The following SV2C variants were observed in gnomAD, a reference collection of about 807,000 sequenced individuals.
SV2C encodes solute carrier family 22 member B3.
SV2C carries 49 observed loss-of-function variants against 79.7 expected under a neutral mutation model. The observed-to-expected ratio is 0.61, with a 90% confidence interval of 0.49 to 0.78. The LOEUF (loss-of-function observed/expected upper bound fraction) is 0.78. SV2C is among the 30% of genes least tolerant of loss of function. The pLI is 0.00. For missense variants in SV2C, 833 were observed against 912.9 expected (o/e 0.91, Z 1.13); for synonymous variants, 334 against 333.2 (o/e 1.00, Z -0.03).
At position 76,194,831 on chromosome 5, in the gene SV2C, A is replaced by C. The variant is rs757221880; in HGVS notation, c.581-88A>C. On this transcript the variant is annotated intron_variant, in intron 2 of 12. Transcript: ENST00000502798. ...AAATTTTCCTCATGCAAAATGCTGG[A>C]ATGTATTTTGTTCCTTGTTCACTTG... 1.0e-5 allele frequency: 15 copies of C among 1,457,388 alleles called. No individual in the cohort carries two copies. The Admixed American group carries it at 1.0e-4, about 10-fold the overall frequency. 90.3% of individuals were successfully genotyped at this position (1,457,388 alleles called of 1,614,324 possible).
chr5:76,119,014 T>C (rs142994972), intron 1 of SV2C, among the ~76,000 whole-genome samples: 79 of 152,252 alleles, frequency 5.2e-4, no homozygotes, highest in African/African-American at 1.8e-3. Flanking sequence ...ACATCAAAAC[T>C]ATGTGCTCCT....
chr5:75,990,438 G>A, the SV2C span, among the ~76,000 whole-genome samples: 1 of 151,942 alleles, frequency 6.6e-6, no homozygotes, highest in Non-Finnish European at 1.5e-5. Context: ...CATGTGCACT[G>A]CGTGAGTTAA....
At chr5:76,007,225 G>A in the SV2C span, among the ~76,000 whole-genome samples, 1 of 151,494 alleles carries the variant, frequency 6.6e-6, no homozygotes, top group Non-Finnish European at 1.5e-5. Context: ...TTCATTATTT[G>A]TGTATGCCTC....
the SV2C span, among the ~76,000 whole-genome samples, chr5:76,057,076 T>C: frequency 6.6e-6 from 1 of 152,128 alleles, no homozygotes; most frequent in East Asian, 1.9e-4. Flanking sequence ...GTTCTTTTAA[T>C]TGTGATATTA....
chr5:76,209,587 C>T, intron 3 of SV2C, 149 bp from the exon 4 acceptor site: 2 of 805,016 alleles, frequency 2.5e-6, no homozygotes, highest in Non-Finnish European at 3.6e-6. Flanking sequence ...ATAATTTTTA[C>T]ATTGTAAAAT....
the SV2C span, among the ~76,000 whole-genome samples, chr5:75,871,828 TATATATACACACACACACACACAC>T: frequency 0.033 from 3,864 of 118,520 alleles, 168 homozygotes; most frequent in African/African-American, 0.12. Context: ...TATATATATA[TATATATACACACACACACACACAC>T]ACACACGTAT....
At chr5:76,235,364 G>T (rs1481776406) in intron 4 of SV2C, among the ~76,000 whole-genome samples, 2 of 152,102 alleles carry the variant, frequency 1.3e-5, no homozygotes, top group African/African-American at 4.8e-5. Context: ...ATTTTTCTAA[G>T]GCATGATATA....
At chr5:76,305,298 GA>G (rs1462282854) in intron 12 of SV2C, among the ~76,000 whole-genome samples, 1 of 152,166 alleles carries the variant, frequency 6.6e-6, no homozygotes, top group Admixed American at 6.5e-5. Context: ...CATTTACTGT[GA>G]AAACACTAAT....
At position 76,314,196 on chromosome 5, in the gene SV2C, T is replaced by A. The variant is rs113148849; in HGVS notation, c.2001-11168T>A. On this transcript the variant is annotated intron_variant, in intron 12 of 12. Transcript: ENST00000502798. ...AATGAATGAAATATGCATTTGAGAATTAATTTGGCTATGGATGATAGTTTT... is the reference window on the plus strand; with the variant it reads ...AATGAATGAAATATGCATTTGAGAAATAATTTGGCTATGGATGATAGTTTT... Among the ~76,000 whole-genome samples, 90 of 152,318 alleles carry A rather than the reference T, an allele frequency of 5.9e-4. 1 individual carries two copies. The highest frequency in any genetic ancestry group is 3.4e-3 in the Middle Eastern group (1 of 294).
At chr5:76,186,849 A>T (rs1201842778) in intron 2 of SV2C, among the ~76,000 whole-genome samples, 1 of 152,134 alleles carries the variant, frequency 6.6e-6, no homozygotes, top group Non-Finnish European at 1.5e-5. Context: ...ATCAGATCTC[A>T]TGAGAACTCA....
At chr5:76,013,805 G>A in the SV2C span, among the ~76,000 whole-genome samples, 1 of 152,114 alleles carries the variant, frequency 6.6e-6, no homozygotes, top group Non-Finnish European at 1.5e-5. Context: ...TAAATATTAT[G>A]AGCAGTGTTG....
At chr5:75,952,247 T>TTTCCTTCCTTCCTTCCTTCC in the SV2C span, among the ~76,000 whole-genome samples, 197 of 144,340 alleles carry the variant, frequency 1.4e-3, 3 homozygotes, top group African/African-American at 4.8e-3. Flanking sequence ...TCTCCTGCAT[T>TTTCCTTCCTTCCTTCCTTCC]TTCCTTCCTT....
chr5:76,016,254 T>TAAAAAAAAAAA, the SV2C span, among the ~76,000 whole-genome samples: 170 of 90,350 alleles, frequency 1.9e-3, 7 homozygotes, highest in African/African-American at 6.2e-3. Flanking sequence ...TTTAATTTTC[T>TAAAAAAAAAAA]AAAAAAAAAA....
At chr5:75,953,006 A>G in the SV2C span, among the ~76,000 whole-genome samples, 1 of 151,938 alleles carries the variant, frequency 6.6e-6, no homozygotes, top group Non-Finnish European at 1.5e-5. Context: ...ATAAAAGAAT[A>G]TCTGATGTGG....
Position 76,353,221 on chromosome 5 carries a change from A to C in SV2C, c.*61A>C, listed in dbSNP as rs573755676. On this transcript the variant is annotated 3_prime_UTR_variant, in exon 13 of 13. Transcript: ENST00000322285. ...CAGCCTCCCAAAGTTCTGGGATTAC[A>C]GTCTCGAGCCACTGCACCTGGCTTT... The C allele has an allele frequency of 1.3e-4, 44 of 350,134 alleles. 1 individual carries two copies. Among genetic ancestry groups the C allele is most frequent in the South Asian group, 9.0e-4 (44 of 49,118 alleles). The allele number at this position is 350,134 out of a possible 1,614,324, so 21.7% of individuals were successfully genotyped here. A position where few individuals can be genotyped will look rare whatever the true frequency, so the allele number is the denominator to read the frequency against.
intron 2 of SV2C, among the ~76,000 whole-genome samples, chr5:76,135,638 C>T (rs1369188305): frequency 6.6e-6 from 1 of 152,152 alleles, no homozygotes; most frequent in Non-Finnish European, 1.5e-5. Context: ...ACACAATGAG[C>T]CAGACTAGTA....
the SV2C span, among the ~76,000 whole-genome samples, chr5:76,057,744 A>T: frequency 3.7e-4 from 57 of 152,206 alleles, no homozygotes; most frequent in African/African-American, 1.3e-3. Flanking sequence ...AAACACAGAG[A>T]AATGTGACTG....
chr5:76,012,689 G>A, the SV2C span, among the ~76,000 whole-genome samples: 3 of 152,282 alleles, frequency 2.0e-5, 1 homozygote, highest in South Asian at 6.2e-4. Flanking sequence ...CCATGCCTAT[G>A]TCCTGAATGG....
At chr5:75,976,003 A>G in the SV2C span, among the ~76,000 whole-genome samples, 1 of 152,198 alleles carries the variant, frequency 6.6e-6, no homozygotes, top group Non-Finnish European at 1.5e-5. Context: ...GCTAGGATGC[A>G]CATGTACTTA....
Sources: allele counts gnomAD v4.1 joint callset (sites outside exome capture counted in the v4.1 genomes callset), GRCh38; gene constraint gnomAD v4.1.1; transcripts MANE v1.5; gene names NCBI Gene and HGNC (gene_info 2026-07-23, HGNC 2026-07-21).